Variants in ENTREP2 observed in about 807,000 individuals in gnomAD.
ENTREP2 encodes the protein endosomal transmembrane epsin interactor 2.
At chr15:29,609,746 C>T in the ENTREP2 span, 2 of 150,130 alleles carry the variant, frequency 1.3e-5, no homozygotes, top group African/African-American at 4.9e-5. Flanking sequence ...CAAAATGGAC[C>T]AAGTCATACC....
At chr15:29,318,725 G>A in the ENTREP2 span, among the ~76,000 whole-genome samples, 1 of 152,212 alleles carries the variant, frequency 6.6e-6, no homozygotes, top group East Asian at 1.9e-4. Context: ...ACCAAAGGAT[G>A]TGTGTGACTT....
At chr15:29,470,745 C>T in the ENTREP2 span, among the ~76,000 whole-genome samples, 1 of 152,216 alleles carries the variant, frequency 6.6e-6, no homozygotes, top group Admixed American at 6.5e-5. Flanking sequence ...AGACGTCTGA[C>T]ATGAGACAGT....
chr15:29,444,204 A>C, the ENTREP2 span, among the ~76,000 whole-genome samples: 30 of 147,686 alleles, frequency 2.0e-4, no homozygotes, highest in East Asian at 6.0e-4. Flanking sequence ...GAAAGAAAGA[A>C]AGAAAGAAAG....
the ENTREP2 span, among the ~76,000 whole-genome samples, chr15:29,514,118 T>A: frequency 6.6e-6 from 1 of 152,214 alleles, no homozygotes; most frequent in Non-Finnish European, 1.5e-5. Context: ...TTAGCCATTT[T>A]TAAGTGTACA....
At chr15:29,655,370 C>CA in the ENTREP2 span, among the ~76,000 whole-genome samples, 1 of 152,186 alleles carries the variant, frequency 6.6e-6, no homozygotes, top group Non-Finnish European at 1.5e-5. Flanking sequence ...ACTCAAATAT[C>CA]ACCTATATTG....
At chr15:29,257,183 C>T in the ENTREP2 span, among the ~76,000 whole-genome samples, 1 of 152,062 alleles carries the variant, frequency 6.6e-6, no homozygotes, top group African/African-American at 2.4e-5. Context: ...AAGCGATTCT[C>T]CTGCCTCAGC....
At chr15:29,236,076 C>T in the ENTREP2 span, among the ~76,000 whole-genome samples, 1 of 151,990 alleles carries the variant, frequency 6.6e-6, no homozygotes, top group African/African-American at 2.4e-5. Flanking sequence ...GATATGAAAA[C>T]TTTTAACAGG....
the ENTREP2 span, among the ~76,000 whole-genome samples, chr15:29,496,101 G>A: frequency 6.6e-6 from 1 of 151,642 alleles, no homozygotes; most frequent in Non-Finnish European, 1.5e-5. Flanking sequence ...CATAGTTTTT[G>A]GTGTATAGAT....
the ENTREP2 span, chr15:29,375,082 C>A: frequency 6.6e-6 from 1 of 152,150 alleles, no homozygotes; most frequent in African/African-American, 2.4e-5. Context: ...TGCTCTGGGA[C>A]ACAGGTAAAT....
chr15:29,274,558 CAG>C, the ENTREP2 span, among the ~76,000 whole-genome samples: 5 of 152,178 alleles, frequency 3.3e-5, no homozygotes, highest in Non-Finnish European at 1.5e-5. Flanking sequence ...AACCTGGCAT[CAG>C]GGGATTAAGT....
chr15:29,605,727 C>T, the ENTREP2 span, among the ~76,000 whole-genome samples: 2 of 151,952 alleles, frequency 1.3e-5, no homozygotes, highest in African/African-American at 4.8e-5. Flanking sequence ...ATCCCAGCTA[C>T]TCGGGAGGCT....
chr15:29,588,341 G>A, the ENTREP2 span, among the ~76,000 whole-genome samples: 2,252 of 152,226 alleles, frequency 0.015, 27 homozygotes, highest in Non-Finnish European at 0.022. Flanking sequence ...GGTGGCGGGC[G>A]CCTGTAATCC....
chr15:29,235,068 G>A, the ENTREP2 span: 1 of 1,107,646 alleles, frequency 9.0e-7, no homozygotes, highest in Non-Finnish European at 1.4e-6. Flanking sequence ...AGCCAGGACA[G>A]GTCCTCCAGC....
chr15:29,119,782 C>T, the ENTREP2 span, among the ~76,000 whole-genome samples: 2 of 152,212 alleles, frequency 1.3e-5, no homozygotes, highest in South Asian at 2.1e-4. Context: ...AGAGAAATGT[C>T]GCCTGAGTCA....
the ENTREP2 span, among the ~76,000 whole-genome samples, chr15:29,145,622 C>CAAAAAAA: frequency 6.0e-4 from 35 of 58,150 alleles, no homozygotes; most frequent in East Asian, 1.8e-3. Context: ...GACTCCATCT[C>CAAAAAAA]AAAAAAAAAA....
chr15:29,143,855 A>G, the ENTREP2 span, among the ~76,000 whole-genome samples: 1 of 152,348 alleles, frequency 6.6e-6, no homozygotes, highest in Non-Finnish European at 1.5e-5. Flanking sequence ...ACACAGAAAC[A>G]GCAGTGAGCA....
At chr15:29,234,785 C>G in the ENTREP2 span, 5 of 1,487,982 alleles carry the variant, frequency 3.4e-6, no homozygotes, top group African/African-American at 1.4e-5. Context: ...AAATATTACT[C>G]CATCTCCAGA....
At chr15:29,358,675 A>G in the ENTREP2 span, among the ~76,000 whole-genome samples, 1 of 152,170 alleles carries the variant, frequency 6.6e-6, no homozygotes, top group African/African-American at 2.4e-5. Context: ...GTCAGTAGAA[A>G]AAAAAGCTAG....
At chr15:29,328,384 C>A in the ENTREP2 span, among the ~76,000 whole-genome samples, 25 of 152,294 alleles carry the variant, frequency 1.6e-4, no homozygotes, top group African/African-American at 5.3e-4. Context: ...ACCCATTGAA[C>A]TGTACAGGCC....
Sources: gnomAD v4.1 joint callset for allele counts (sites outside exome capture counted in the v4.1 genomes callset) on GRCh38, gnomAD v4.1.1 for gene constraint, MANE v1.5 for transcripts, NCBI Gene and HGNC (gene_info 2026-07-23, HGNC 2026-07-21) for gene names.